The following SSH2 variants were observed in gnomAD, a reference collection of about 807,000 sequenced individuals.
SSH2 encodes slingshot protein phosphatase 2.
Under a neutral mutation model 135.2 loss-of-function variants are expected in SSH2, and 37 were observed. The ratio of observed to expected loss-of-function variants is 0.27; its 90% CI spans 0.21 to 0.36. SSH2 has a LOEUF of 0.36. SSH2 is among the 10% of genes least tolerant of loss of function. SSH2 has a pLI of 1.00. For synonymous variants in SSH2, 628 were observed against 646.2 expected (o/e 0.97, Z 0.43); for missense variants, 1,408 against 1,765.3 (o/e 0.80, Z 3.63).
chr17:29,760,222 T>TGG (rs924975190), intron 3 of SSH2, among the ~76,000 whole-genome samples: 5 of 152,210 alleles, frequency 3.3e-5, no homozygotes, highest in Admixed American at 2.0e-4. Flanking sequence ...TTTCTGTTGT[T>TGG]GGACATTAAA....
intron 3 of SSH2, among the ~76,000 whole-genome samples, chr17:29,725,766 G>A (rs2039983358): frequency 6.6e-6 from 1 of 152,194 alleles, no homozygotes; most frequent in Admixed American, 6.5e-5. Flanking sequence ...GGGGCAAGAG[G>A]AGGGAGAGCA....
intron 3 of SSH2, among the ~76,000 whole-genome samples, chr17:29,733,297 G>A (rs2040259017): frequency 6.6e-6 from 1 of 152,212 alleles, no homozygotes; most frequent in Non-Finnish European, 1.5e-5. Flanking sequence ...CCCTCAAAAG[G>A]AAGCTAAGAA....
At chr17:29,715,002 G>C (rs1329624952) in intron 3 of SSH2, among the ~76,000 whole-genome samples, 6 of 152,076 alleles carry the variant, frequency 3.9e-5, no homozygotes, top group Non-Finnish European at 5.9e-5. Context: ...GAGTAGCTGG[G>C]ATTACAGGCA....
chr17:29,742,585 T>C (rs2040606561), intron 3 of SSH2, among the ~76,000 whole-genome samples: 1 of 147,838 alleles, frequency 6.8e-6, no homozygotes, highest in African/African-American at 2.5e-5. Flanking sequence ...TCTCCCGCCT[T>C]AGTCTTCCAA....
chr17:29,866,768 T>G (rs1030402037), intron 1 of SSH2, among the ~76,000 whole-genome samples: 4 of 152,204 alleles, frequency 2.6e-5, no homozygotes, highest in African/African-American at 9.6e-5. Flanking sequence ...TATTTTCCAT[T>G]TTGGGTTAGG....
intron 1 of SSH2, among the ~76,000 whole-genome samples, chr17:29,903,238 TA>T (rs1175058366): frequency 6.8e-5 from 10 of 147,902 alleles, no homozygotes; most frequent in African/African-American, 2.2e-4. Flanking sequence ...ATTTATATAT[TA>T]AAAATATATT....
At chr17:29,654,843 C>T (rs182456469) in intron 12 of SSH2, among the ~76,000 whole-genome samples, 3 of 152,310 alleles carry the variant, frequency 2.0e-5, no homozygotes, top group Admixed American at 1.3e-4. Context: ...AAGCAGCTTA[C>T]TACACAGGAT....
chr17:29,655,257 C>T (rs1183887602), intron 12 of SSH2, among the ~76,000 whole-genome samples: 1 of 152,064 alleles, frequency 6.6e-6, no homozygotes, highest in East Asian at 1.9e-4. Flanking sequence ...GCGCCCGCCA[C>T]CATGCCTGGC....
intron 1 of SSH2, 180 bp downstream of exon 1, chr17:29,929,758 A>G: frequency 1.6e-6 from 1 of 613,410 alleles, no homozygotes; most frequent in Non-Finnish European, 2.9e-6. Context: ...GCAAAAATCA[A>G]CGTCTTGTAG....
At chr17:29,694,213 G>A (rs745633299) in intron 5 of SSH2, among the ~76,000 whole-genome samples, 3 of 152,266 alleles carry the variant, frequency 2.0e-5, no homozygotes, top group Middle Eastern at 3.4e-3. Context: ...GGCTCAGATG[G>A]GAAATGTAAA....
chr17:29,641,165 C>A (rs2036145388), intron 14 of SSH2, among the ~76,000 whole-genome samples: 1 of 152,284 alleles, frequency 6.6e-6, no homozygotes, highest in East Asian at 1.9e-4. Flanking sequence ...CCCGCCTCGG[C>A]CTCCCAAAGT....
intron 14 of SSH2, among the ~76,000 whole-genome samples, chr17:29,640,399 T>A (rs2036105180): frequency 6.6e-6 from 1 of 152,164 alleles, no homozygotes; most frequent in South Asian, 2.1e-4. Flanking sequence ...TTTTTTAAAC[T>A]GCCTGCAGAT....
At chr17:29,816,645 CTT>C (rs1185450874) in intron 2 of SSH2, among the ~76,000 whole-genome samples, 1 of 151,390 alleles carries the variant, frequency 6.6e-6, no homozygotes, top group Non-Finnish European at 1.5e-5. Flanking sequence ...AGGCATGTCA[CTT>C]AACTTTATTG....
intron 1 of SSH2, among the ~76,000 whole-genome samples, chr17:29,887,537 C>T (rs186728923): frequency 8.5e-4 from 129 of 152,250 alleles, no homozygotes; most frequent in African/African-American, 2.9e-3. Context: ...CTGTCCTACC[C>T]CTTATCTGTG....
chr17:29,675,730 G>A (rs1419884670), intron 8 of SSH2: 1 of 152,986 alleles, frequency 6.5e-6, no homozygotes, highest in Non-Finnish European at 1.5e-5. Context: ...GAGCCCAGGA[G>A]TTGGAGGCTG....
Position 29,636,383 on chromosome 17 carries a change from A to T in SSH2, c.1847T>A (p.Phe616Tyr). ...PGHVPEMANKFPDLTVEDLET... is the reference protein window; with the variant it reads ...PGHVPEMANKYPDLTVEDLET... Reference sequence around the variant, plus strand: ...CAAATCTTCCACTGTTAAGTCTGGAAACTTGTTGGCCATTTCTGGGACATG... The same window carrying T: ...CAAATCTTCCACTGTTAAGTCTGGATACTTGTTGGCCATTTCTGGGACATG... The change falls in exon 15 of 16, where the codon TTT becomes TAT. Residue 616 changes from phenylalanine (F) to tyrosine (Y), a missense_variant. Phe to Tyr is a conservative substitution (Grantham distance 22). This residue lies in a region of SSH2 where 1,080 missense variants were observed against 1,144.5 expected (regional missense o/e 0.94). Coordinates refer to ENST00000540801, the MANE Select transcript of SSH2 (RefSeq NM_001282129.2). 8.1e-6 allele frequency: 13 copies of T among 1,614,152 alleles called. No homozygotes were observed. Among genetic ancestry groups the T allele is most frequent in the Non-Finnish European group, 1.1e-5 (13 of 1,180,028 alleles).
At chr17:29,729,289 T>C (rs1293679438) in intron 3 of SSH2, among the ~76,000 whole-genome samples, 1 of 152,196 alleles carries the variant, frequency 6.6e-6, no homozygotes, top group East Asian at 1.9e-4. Context: ...CATGAAAAGG[T>C]GCTCAACATC....
chr17:29,897,258 C>T (rs1218237730), intron 1 of SSH2, among the ~76,000 whole-genome samples: 1 of 152,042 alleles, frequency 6.6e-6, no homozygotes, highest in African/African-American at 2.4e-5. Flanking sequence ...ATCATAATGA[C>T]AGGATCAAAT....
At chr17:29,713,498 T>C (rs578088884) in intron 3 of SSH2, among the ~76,000 whole-genome samples, 17 of 152,244 alleles carry the variant, frequency 1.1e-4, no homozygotes, top group African/African-American at 3.9e-4. Context: ...GAGTTTTAAA[T>C]TACTACCAAA....
Sources: gnomAD v4.1 joint callset for allele counts (sites outside exome capture counted in the v4.1 genomes callset) on GRCh38, gnomAD v4.1.1 for gene constraint, gnomAD v4.1.1 regional missense constraint, MANE v1.5 for transcripts, NCBI Gene and HGNC (gene_info 2026-07-23, HGNC 2026-07-21) for gene names.